The following PRKD1 variants were observed in gnomAD, a reference collection of about 807,000 sequenced individuals.
PRKD1 encodes serine/threonine-protein kinase D1.
In PRKD1, 63 loss-of-function variants were observed where a neutral mutation model predicts 95.9. The ratio of observed to expected loss-of-function variants is 0.66; its 90% CI spans 0.54 to 0.81. The LOEUF is 0.81. Among genes scored for constraint, PRKD1 ranks in the 30% least tolerant of loss-of-function variants. The pLI, the probability that PRKD1 is intolerant of heterozygous loss-of-function variation, is 0.00. For missense variants in PRKD1, 1,048 were observed against 1,165.3 expected (o/e 0.90, Z 1.47); for synonymous variants, 425 against 423.1 (o/e 1.00, Z -0.05).
intron 1 of PRKD1, among the ~76,000 whole-genome samples, chr14:29,918,213 C>T (rs775194357): frequency 6.6e-6 from 1 of 151,968 alleles, no homozygotes; most frequent in Non-Finnish European, 1.5e-5. Flanking sequence ...CATTATATAT[C>T]ATAGTATATA....
chr14:29,735,846 G>A (rs1886686820), intron 1 of PRKD1, among the ~76,000 whole-genome samples: 1 of 152,148 alleles, frequency 6.6e-6, no homozygotes, highest in Non-Finnish European at 1.5e-5. Flanking sequence ...TTCGAGTAAG[G>A]CTTGAATGCC....
chr14:29,847,354 C>T (rs572121399), intron 1 of PRKD1, among the ~76,000 whole-genome samples: 2 of 152,244 alleles, frequency 1.3e-5, no homozygotes, highest in South Asian at 4.2e-4. Flanking sequence ...CTTATGCAAA[C>T]TTATCTAAGC....
intron 2 of PRKD1, among the ~76,000 whole-genome samples, chr14:29,716,613 T>G (rs1885624948): frequency 6.6e-6 from 1 of 151,980 alleles, no homozygotes; most frequent in Admixed American, 6.6e-5. Flanking sequence ...ACACAGAGGC[T>G]CCAGAAAGAA....
At chr14:29,654,069 C>T (rs1881687749) in intron 4 of PRKD1, among the ~76,000 whole-genome samples, 1 of 151,742 alleles carries the variant, frequency 6.6e-6, no homozygotes, top group African/African-American at 2.4e-5. Context: ...AACTTTTACA[C>T]TTTTGAATAA....
At chr14:29,591,208 A>G (rs540822283) in intron 16 of PRKD1, 9 of 152,296 alleles carry the variant, frequency 5.9e-5, no homozygotes, top group African/African-American at 2.2e-4. Flanking sequence ...CTGAAAAAAG[A>G]TACTTGTGCT....
At chr14:29,735,573 T>G (rs1323036792) in intron 1 of PRKD1, among the ~76,000 whole-genome samples, 1 of 152,200 alleles carries the variant, frequency 6.6e-6, no homozygotes, top group Non-Finnish European at 1.5e-5. Flanking sequence ...AGCTCAACTT[T>G]ATAAAGACTT....
intron 7 of PRKD1, among the ~76,000 whole-genome samples, chr14:29,634,997 G>C (rs1032739274): frequency 6.6e-6 from 1 of 151,684 alleles, no homozygotes; most frequent in Non-Finnish European, 1.5e-5. Context: ...TTGTACCACT[G>C]CACTCCAGCC....
At chr14:29,906,177 T>C (rs1300377344) in intron 1 of PRKD1, among the ~76,000 whole-genome samples, 2 of 152,134 alleles carry the variant, frequency 1.3e-5, no homozygotes, top group East Asian at 1.9e-4. Flanking sequence ...ATCTAGTATA[T>C]AATAAGTATT....
rs545788535 is a variant in PRKD1 at position 29,587,078 on chromosome 14, G to A, written c.2435-8718C>T. 3.3e-5 allele frequency among the ~76,000 whole-genome samples: 5 copies of A among 152,322 alleles called. 1 individual carries two copies. Among genetic ancestry groups the A allele is most frequent in the Admixed American group, 6.5e-5 (1 of 15,296 alleles). On this transcript the variant is annotated intron_variant, in intron 16 of 17. Transcript: ENST00000331968. ...TTGTGCAGGAGAAGAGAAGGCTGGG[G>A]GAGACGTGATGATGGCTTTCAAACC...
chr14:29,921,763 G>C (rs1163002759), intron 1 of PRKD1, among the ~76,000 whole-genome samples: 2 of 151,994 alleles, frequency 1.3e-5, no homozygotes, highest in Non-Finnish European at 2.9e-5. Flanking sequence ...TGGTCTTCTG[G>C]GGCAAGTTTT....
At chr14:29,914,715 G>A (rs1894832113) in intron 1 of PRKD1, among the ~76,000 whole-genome samples, 1 of 152,008 alleles carries the variant, frequency 6.6e-6, no homozygotes, top group African/African-American at 2.4e-5. Flanking sequence ...GGGGGACAGA[G>A]CAACACTCCA....
intron 1 of PRKD1, among the ~76,000 whole-genome samples, chr14:29,902,169 G>C (rs1566662964): frequency 6.6e-6 from 1 of 151,678 alleles, no homozygotes. Flanking sequence ...TGAGGCAGGA[G>C]AACTGCTTGA....
At chr14:29,607,412 G>A (rs529225758) in intron 13 of PRKD1, among the ~76,000 whole-genome samples, 58 of 152,336 alleles carry the variant, frequency 3.8e-4, no homozygotes, top group African/African-American at 1.3e-3. Flanking sequence ...GGGTTTCATA[G>A]ACAGAAATCA....
intron 4 of PRKD1, among the ~76,000 whole-genome samples, chr14:29,644,678 G>C (rs1881012262): frequency 6.6e-6 from 1 of 151,872 alleles, no homozygotes; most frequent in Non-Finnish European, 1.5e-5. Context: ...TATAAAAAGT[G>C]TTTTCTATCA....
At chr14:29,766,952 G>A (rs1888285259) in intron 1 of PRKD1, among the ~76,000 whole-genome samples, 1 of 152,012 alleles carries the variant, frequency 6.6e-6, no homozygotes, top group African/African-American at 2.4e-5. Flanking sequence ...TGAAGGTTAG[G>A]AATTTGTTTC....
intron 13 of PRKD1, among the ~76,000 whole-genome samples, chr14:29,606,213 A>G (rs1397554222): frequency 2.0e-5 from 3 of 152,298 alleles, no homozygotes; most frequent in Non-Finnish European, 4.4e-5. Context: ...GGGTTTCACC[A>G]TGTTAGCCAG....
intron 1 of PRKD1, among the ~76,000 whole-genome samples, chr14:29,890,906 C>T (rs2139412567): frequency 6.6e-6 from 1 of 152,160 alleles, no homozygotes; most frequent in Middle Eastern, 3.4e-3. Flanking sequence ...AGTTAATGTT[C>T]CATATGATTT....
At chr14:29,804,930 T>A (rs1368769255) in intron 1 of PRKD1, among the ~76,000 whole-genome samples, 1 of 152,196 alleles carries the variant, frequency 6.6e-6, no homozygotes, top group Non-Finnish European at 1.5e-5. Context: ...CTCATAGGGC[T>A]TAAAGTGCTA....
chr14:29,680,642 C>T (rs1309066854), intron 2 of PRKD1, among the ~76,000 whole-genome samples: 2 of 152,092 alleles, frequency 1.3e-5, no homozygotes, highest in Non-Finnish European at 2.9e-5. Context: ...GAAGGGAAAG[C>T]CCAAGTTTTA....
Sources: allele counts gnomAD v4.1 joint callset (sites outside exome capture counted in the v4.1 genomes callset), GRCh38; gene constraint gnomAD v4.1.1; transcripts MANE v1.5; gene names NCBI Gene and HGNC (gene_info 2026-07-23, HGNC 2026-07-21).